The following PPM1F variants were observed in gnomAD, a reference collection of about 807,000 sequenced individuals.
PPM1F encodes the protein protein phosphatase 1F.
In PPM1F, 17 loss-of-function variants were observed where a neutral mutation model predicts 35.5. That is an observed-to-expected ratio of 0.48 (90% CI 0.33 to 0.72). PPM1F has a LOEUF of 0.72. Ranked by LOEUF, PPM1F falls within the 30% of genes least tolerant of loss-of-function variation. The pLI, the probability that PPM1F is intolerant of heterozygous loss-of-function variation, is 0.02. For synonymous variants in PPM1F, 241 were observed against 255.5 expected (o/e 0.94, Z 0.54); for missense variants, 521 against 613.0 (o/e 0.85, Z 1.59).
In PPM1F at chr22:21,920,762, G is replaced by C. The variant is rs911910842; in HGVS notation, c.*2330C>G. 5.7e-4 allele frequency: 87 copies of C among 152,338 alleles called. 1 individual carries two copies. The highest frequency in any genetic ancestry group is 2.0e-3 in the African/African-American group (85 of 41,568). 9.4% of individuals were successfully genotyped at this position (152,338 alleles called of 1,614,324 possible). ...TATGAATCAGACCACCAGGTGATAG[G>C]AGCCAAACCTCCACATGGTGAAACT... On this transcript the variant is annotated 3_prime_UTR_variant, in exon 8 of 8. Transcript: ENST00000263212.
chr22:21,938,088 G>A (rs1439409645), intron 3 of PPM1F: 49 of 1,286,450 alleles, frequency 3.8e-5, no homozygotes, highest in Non-Finnish European at 4.8e-5. Context: ...TCTGACAGAC[G>A]GGGAAGCAAG....
At position 21,939,443 on chromosome 22, in the gene PPM1F, G is replaced by A. The variant is rs918288049; in HGVS notation, c.355+89C>T. On this transcript the variant is annotated intron_variant, in intron 3 of 7. Transcript: ENST00000263212. The surrounding 1 kb of genome is among the most constrained non-coding windows in gnomAD (Gnocchi z 5.1). ...GAGCGAGGGCCCCAGCACCCTTAGG[G>A]ACCCCAATCAATGGGCTTCCCACAA... 2.3e-5 allele frequency: 36 copies of A among 1,543,166 alleles called. No homozygotes were observed. Among genetic ancestry groups the A allele is most frequent in the Non-Finnish European group, 3.1e-5 (35 of 1,134,886 alleles).
rs779457408 is a variant in PPM1F, at chr22:21,923,448, C to T, written c.1009G>A (p.Val337Met). ...AIGDVFQKPY[V>M]SGEADAASRA... Reference sequence around the variant, plus strand: ...GAAGCTGCATCGGCCTCCCCAGACACGTAGGGCTTCTGGAAGACATCCCCT... The same window carrying T: ...GAAGCTGCATCGGCCTCCCCAGACATGTAGGGCTTCTGGAAGACATCCCCT... Residue 337 changes from valine (V) to methionine (M), a missense_variant, in exon 8 of 8, where the codon GTG becomes ATG. Physicochemically the swap from Val to Met is conservative, Grantham distance 21 (BLOSUM62 1). This residue lies in a region of PPM1F where 163 missense variants were observed against 169.6 expected (regional missense o/e 0.96). Transcript: ENST00000263212. 1.1e-5 allele frequency: 18 copies of T among 1,606,746 alleles called. No individual in the cohort carries two copies. Among genetic ancestry groups the T allele is most frequent in the Middle Eastern group, 1.7e-4 (1 of 6,034 alleles).
At chr22:21,935,523 T>C (rs1202915351) in intron 3 of PPM1F, 1 of 152,242 alleles carries the variant, frequency 6.6e-6, no homozygotes. Flanking sequence ...CTTTGTATTA[T>C]TTATTACAAC....
In PPM1F at chr22:21,925,675, A is replaced by G; in HGVS notation, c.892-13T>C. ...GCGCCTTCTCATCCTGCAGAAACAC[A>G]GCCAGAGTTGGGGGCAGGGCCGGGG... On this transcript the variant is annotated splice_polypyrimidine_tract_variant and intron_variant, in intron 6 of 7. Transcript: ENST00000263212. 6.4e-7 allele frequency: 1 copy of G among 1,554,092 alleles called. No individual in the cohort carries two copies. Among genetic ancestry groups the G allele is most frequent in the Non-Finnish European group, 8.8e-7 (1 of 1,137,734 alleles).
chr22:21,924,321 G>A (rs887559797), intron 7 of PPM1F, among the ~76,000 whole-genome samples: 1 of 149,612 alleles, frequency 6.7e-6, no homozygotes, highest in Non-Finnish European at 1.5e-5. Context: ...AGGCTGCAGT[G>A]CAATGGTGCA....
intron 3 of PPM1F, chr22:21,938,126 C>T: frequency 7.7e-7 from 1 of 1,300,992 alleles, no homozygotes; most frequent in Non-Finnish European, 1.0e-6. Flanking sequence ...TCTAGCTGCG[C>T]CCTCCCTCCT....
chr22:21,928,240 G>A (rs754479474), intron 6 of PPM1F, among the ~76,000 whole-genome samples: 8 of 152,074 alleles, frequency 5.3e-5, no homozygotes, highest in African/African-American at 1.9e-4. Flanking sequence ...TGCTCCACAC[G>A]GCCAGGCCGC....
chr22:21,927,987 T>A, intron 6 of PPM1F, among the ~76,000 whole-genome samples: 1 of 139,292 alleles, frequency 7.2e-6, no homozygotes, highest in African/African-American at 2.7e-5. Context: ...AGGGTCTTGC[T>A]TTGTTGCCAA....
Position 21,939,291 on chromosome 22 carries a change from T to C in PPM1F, c.355+241A>G, listed in dbSNP as rs995239720. 11 of 551,630 alleles carry C rather than the reference T, an allele frequency of 2.0e-5. No homozygotes were observed. Among genetic ancestry groups the C allele is most frequent in the Non-Finnish European group, 3.2e-5 (10 of 309,782 alleles). 34.2% of individuals were successfully genotyped at this position (551,630 alleles called of 1,614,324 possible). A position where few individuals can be genotyped will look rare whatever the true frequency, so the allele number is the denominator to read the frequency against. On this transcript the variant is annotated intron_variant, in intron 3 of 7. Coordinates refer to ENST00000263212, the MANE Select transcript of PPM1F (RefSeq NM_014634.4). This position sits in a 1 kb window ranked among gnomAD's most constrained non-coding sequence, Gnocchi z 5.1. Reference sequence around the variant, plus strand: ...CAGTCAGACAGGACACAGGAGGGTGTCTGCACCACCCACCCCTGCCTCGTG... The same window carrying C: ...CAGTCAGACAGGACACAGGAGGGTGCCTGCACCACCCACCCCTGCCTCGTG...
intron 6 of PPM1F, among the ~76,000 whole-genome samples, chr22:21,929,594 C>T (rs1204665000): frequency 2.6e-5 from 4 of 152,154 alleles, no homozygotes; most frequent in Non-Finnish European, 5.9e-5. Flanking sequence ...GGGCCCAGCA[C>T]GAATCCTGAC....
intron 6 of PPM1F, 120 bp downstream of exon 6, chr22:21,931,028 C>T: frequency 6.7e-7 from 1 of 1,485,366 alleles, no homozygotes. Flanking sequence ...GGAGCCCTCC[C>T]TCTTGAAAGG....
At position 21,920,793 on chromosome 22, in the gene PPM1F, C is replaced by G. The variant is rs2070438672; in HGVS notation, c.*2299G>C. 1 of 152,234 alleles carries G rather than the reference C, an allele frequency of 6.6e-6. No individual in the cohort carries two copies. Among genetic ancestry groups the G allele is most frequent in the Non-Finnish European group, 1.5e-5 (1 of 68,044 alleles). The allele number at this position is 152,234 out of a possible 1,614,324, so 9.4% of individuals were successfully genotyped here. On this transcript the variant is annotated 3_prime_UTR_variant, in exon 8 of 8. Transcript: ENST00000263212. Reference sequence around the variant, plus strand: ...AACCTCCACATGGTGAAACTTCACTCTCGGCAGCCAGGAACAGAATTATTA... The same window carrying G: ...AACCTCCACATGGTGAAACTTCACTGTCGGCAGCCAGGAACAGAATTATTA...
rs750746998 is a variant in PPM1F at position 21,925,590 on chromosome 22, G to A, written c.964C>T (p.Leu322=). Reference sequence around the variant, plus strand: ...TCACCGATGGCTCTGGAGACGGCCAGGGTCCCGTTGACTCTCCAGCAGTCC... The same window carrying A: ...TCACCGATGGCTCTGGAGACGGCCAAGGTCCCGTTGACTCTCCAGCAGTCC... ...HMDCWRVNGT[L]AVSRAIGDVF... The change falls in exon 7 of 8, where the codon CTG becomes TTG. Residue 322 remains leucine, a synonymous_variant. Transcript: ENST00000263212. The A allele has an allele frequency of 6.2e-7, 1 of 1,613,650 alleles. No homozygotes were observed. Among genetic ancestry groups the A allele is most frequent in the Non-Finnish European group, 8.5e-7 (1 of 1,179,782 alleles).
At chr22:21,945,518 AAGGACCTCC>A (rs1331379204) in intron 2 of PPM1F, 4 of 337,232 alleles carry the variant, frequency 1.2e-5, no homozygotes, top group Non-Finnish European at 2.2e-5. Flanking sequence ...TCTACAAGCC[AAGGACCTCC>A]AGGAAGTCAA....
rs558628229 is a variant in PPM1F, at chr22:21,933,938, G to A, written c.558+86C>T. 1.3e-4 allele frequency: 173 copies of A among 1,301,448 alleles called. 2 individuals are homozygous for A. In the East Asian group the frequency reaches 4.1e-3, roughly 31 times the overall value. The allele number at this position is 1,301,448 out of a possible 1,614,324, so 80.6% of individuals were successfully genotyped here. ...GTGTCTCTCCTGTCTCAGCCTTGGT[G>A]GGCAGCTCTTCTCGGTACCTGGGGG... On this transcript the variant is annotated intron_variant, in intron 4 of 7. Coordinates refer to ENST00000263212, the MANE Select transcript of PPM1F (RefSeq NM_014634.4).
chr22:21,938,875 C>G lies in PPM1F; in HGVS notation c.355+657G>C, dbSNP rs115907933. The stretch of plus-strand genomic sequence containing the variant: ...AGCCCTGCTTTTTAATGATTATATC[C>G]TCTGTGAAATGGATCTGCAGCCCTC... On this transcript the variant is annotated intron_variant, in intron 3 of 7. Coordinates refer to ENST00000263212, the MANE Select transcript of PPM1F (RefSeq NM_014634.4). The G allele has an allele frequency of 7.9e-3, 1,226 of 154,750 alleles. 24 individuals carry two copies. The highest frequency in any genetic ancestry group is 0.028 in the African/African-American group (1,166 of 41,586). The allele number at this position is 154,750 out of a possible 1,614,324, so 9.6% of individuals were successfully genotyped here.
chr22:21,945,908 C>T lies in PPM1F; in HGVS notation c.141G>A (p.Thr47=), dbSNP rs200391579. 35 of 1,613,024 alleles carry T rather than the reference C, an allele frequency of 2.2e-5. 1 individual carries two copies. Among genetic ancestry groups the T allele is most frequent in the Middle Eastern group, 3.5e-4 (2 of 5,676 alleles). Residue 47 remains threonine (T), a synonymous_variant, in exon 2 of 8, where the codon ACG becomes ACA. Coordinates refer to ENST00000263212, the MANE Select transcript of PPM1F (RefSeq NM_014634.4). Reference sequence around the variant, plus strand: ...CCTCCACCTCCTCCTGGCTGAGCACCGTCCCTGGGGCCTTCCATGGCAGAG... The same window carrying T: ...CCTCCACCTCCTCCTGGCTGAGCACTGTCCCTGGGGCCTTCCATGGCAGAG... ...EDPLPWKAPG[T]VLSQEEVEGE...
chr22:21,934,548 G>C (rs924400965), intron 3 of PPM1F: 11 of 315,372 alleles, frequency 3.5e-5, no homozygotes, highest in Non-Finnish European at 5.9e-5. Flanking sequence ...CCATTAATTA[G>C]AAATACTATA....
Sources: allele counts gnomAD v4.1 joint callset (sites outside exome capture counted in the v4.1 genomes callset), GRCh38; gene constraint gnomAD v4.1.1; regional missense constraint gnomAD v4.1.1; non-coding constraint Gnocchi (gnomAD v3.1); transcripts MANE v1.5; gene names NCBI Gene and HGNC (gene_info 2026-07-23, HGNC 2026-07-21).